FAT1: variants seen among roughly 807,000 people sequenced by gnomAD.
FAT1 encodes FAT atypical cadherin 1.
In FAT1, 171 loss-of-function variants were observed where a neutral mutation model predicts 329.8. The ratio of observed to expected loss-of-function variants is 0.52; its 90% CI spans 0.46 to 0.59. The LOEUF (loss-of-function observed/expected upper bound fraction) is 0.59, where lower values mean the gene tolerates loss of function less well. FAT1 is among the 20% of genes least tolerant of loss of function. The pLI is 0.00. For synonymous variants in FAT1, 2,233 were observed against 2,228.6 expected (o/e 1.00, Z -0.06); for missense variants, 5,672 against 5,774.4 (o/e 0.98, Z 0.57).
chr4:186,606,410 T>C (rs1378281045), intron 16 of FAT1, among the ~76,000 whole-genome samples, 197 bp from the exon 17 acceptor site: 1 of 152,080 alleles, frequency 6.6e-6, no homozygotes, highest in Non-Finnish European at 1.5e-5. Context: ...CAGCAAGAAT[T>C]ACCAATAATG....
At chr4:186,685,439 G>C (rs1560991355) in intron 2 of FAT1, among the ~76,000 whole-genome samples, 1 of 152,172 alleles carries the variant, frequency 6.6e-6, no homozygotes, top group Non-Finnish European at 1.5e-5. Flanking sequence ...TCTTCACTAA[G>C]ATTTTCTAAA....
At chr4:186,714,921 T>C (rs928913860) in intron 1 of FAT1, among the ~76,000 whole-genome samples, 50 of 151,904 alleles carry the variant, frequency 3.3e-4, no homozygotes, top group African/African-American at 1.2e-3. Flanking sequence ...CTACTAAAAA[T>C]ACAAAAAGTA....
intron 9 of FAT1, among the ~76,000 whole-genome samples, chr4:186,626,489 C>T (rs1740312018): frequency 8.0e-6 from 1 of 124,472 alleles, no homozygotes; most frequent in African/African-American, 3.1e-5. Flanking sequence ...ATAAACTGAG[C>T]TTCATCAGCC....
In FAT1 at chr4:186,603,779, C is replaced by T. The variant is rs749223648; in HGVS notation, c.10747G>A (p.Asp3583Asn). ...GAGAACAGGTTGTCCATCTGAGGGTCGAGACTGTAGGTTAGAGTATCATAC... is the reference window on the plus strand; with the variant it reads ...GAGAACAGGTTGTCCATCTGAGGGTTGAGACTGTAGGTTAGAGTATCATAC... Reference protein sequence around the residue: ...DVYDTLTYSLDPQMDNLFSVS... With the variant: ...DVYDTLTYSLNPQMDNLFSVS... The change falls in exon 19 of 27, where the codon GAC (aspartate) becomes AAC (asparagine). Residue 3583 changes from aspartate to asparagine, a missense_variant. By Grantham distance (23) the Asp-to-Asn change is conservative. This residue lies in a region of FAT1 where 1,706 missense variants were observed against 1,859.1 expected (regional missense o/e 0.92). Coordinates refer to ENST00000441802, the MANE Select transcript of FAT1 (RefSeq NM_005245.4). 8.9e-5 allele frequency: 143 copies of T among 1,613,732 alleles called. No homozygotes were observed. Among genetic ancestry groups the T allele is most frequent in the Admixed American group, 1.3e-4 (8 of 59,974 alleles).
Position 186,628,533 on chromosome 4 carries a change from C to T in FAT1, c.4554G>A (p.Glu1518=), listed in dbSNP as rs768805530. The change falls in exon 8 of 27, where the codon GAG becomes GAA. Residue 1518 remains glutamate (E), a synonymous_variant. Coordinates refer to ENST00000441802, the MANE Select transcript of FAT1 (RefSeq NM_005245.4). ...DPATGSLYTS[E]KLDHEAVHQH... is the part of the protein sequence containing the mutation. ...GGTGAACAGCTTCATGATCCAGTTT[C>T]TCAGAAGTATAGAGAGAGCCGGTTG... 3.1e-6 allele frequency: 5 copies of T among 1,613,884 alleles called. No homozygotes were observed. Among genetic ancestry groups the T allele is most frequent in the Non-Finnish European group, 4.2e-6 (5 of 1,179,900 alleles).
intron 2 of FAT1, among the ~76,000 whole-genome samples, chr4:186,702,732 C>T (rs537310523): frequency 3.3e-5 from 5 of 152,300 alleles, no homozygotes; most frequent in Non-Finnish European, 5.9e-5. Context: ...ATTCCACACA[C>T]CCACAAGAGG....
Position 186,618,291 on chromosome 4 carries a change from A to G in FAT1, c.8295T>C (p.Ser2765=), listed in dbSNP as rs2126493304. ...ACCACTTAGTTGTCTCATGATCAAG[A>G]CTCTTCTCCAACTTCAGTCTCCCGC... is the stretch of plus-strand genomic sequence containing the variant. ...RQSGRLKLEK[S]LDHETTKWYQ... Residue 2765 remains serine, a synonymous_variant, in exon 10 of 27, where the codon AGT becomes AGC. Coordinates refer to ENST00000441802, the MANE Select transcript of FAT1 (RefSeq NM_005245.4). 1 of 1,613,830 alleles carries G rather than the reference A, an allele frequency of 6.2e-7. No homozygotes were observed. Among genetic ancestry groups the G allele is most frequent in the Non-Finnish European group, 8.5e-7 (1 of 1,179,856 alleles).
intron 2 of FAT1, among the ~76,000 whole-genome samples, chr4:186,674,445 T>C (rs973227024): frequency 6.6e-6 from 1 of 152,280 alleles, no homozygotes; most frequent in East Asian, 1.9e-4. Flanking sequence ...GGGTACTATC[T>C]CCATGAGATG....
intron 3 of FAT1, among the ~76,000 whole-genome samples, chr4:186,661,304 A>G (rs1160133702): frequency 2.0e-5 from 3 of 152,236 alleles, no homozygotes; most frequent in Admixed American, 6.5e-5. Flanking sequence ...ACTGTGTGTC[A>G]TAAGCCCCTC....
At position 186,619,800 on chromosome 4, in the gene FAT1, G is replaced by C. The variant is rs371206556; in HGVS notation, c.6786C>G (p.Gly2262=). The change falls in exon 10 of 27, where the codon GGC becomes GGG. Residue 2262 remains glycine (G), a synonymous_variant. Coordinates refer to ENST00000441802, the MANE Select transcript of FAT1 (RefSeq NM_005245.4). ...TGTCCACAAATACTTCAGCATGAGC[G>C]CCCGTCAAGGAGTCAGTTGCGCGTA... The part of the protein sequence containing the change: ...LSIRATDSLT[G]AHAEVFVDII... 2 of 1,614,006 alleles carry C rather than the reference G, an allele frequency of 1.2e-6. No homozygotes were observed. The highest frequency in any genetic ancestry group is 1.7e-6 in the Non-Finnish European group (2 of 1,179,894).
In FAT1 at chr4:186,625,731, T is replaced by C. The variant is rs1740269423; in HGVS notation, c.4810+2423A>G. Among the ~76,000 whole-genome samples, 3 of 152,274 alleles carry C rather than the reference T, an allele frequency of 2.0e-5. No homozygotes were observed. The South Asian group carries it at 6.2e-4, about 31-fold the overall frequency. On this transcript the variant is annotated intron_variant, in intron 9 of 26. Coordinates refer to ENST00000441802, the MANE Select transcript of FAT1 (RefSeq NM_005245.4). ...TGTAAACTGTCTTCCCAACATTTCA[T>C]CACTTTCAGAGGATCTGGCATGAGC...
intron 2 of FAT1, among the ~76,000 whole-genome samples, chr4:186,696,096 C>T (rs956278820): frequency 6.6e-6 from 1 of 152,078 alleles, no homozygotes; most frequent in East Asian, 1.9e-4. Flanking sequence ...CGGCCATAGG[C>T]CCTAGAACAC....
At chr4:186,722,032 T>G (rs1745490017) in intron 1 of FAT1, among the ~76,000 whole-genome samples, 1 of 152,190 alleles carries the variant, frequency 6.6e-6, no homozygotes, top group Non-Finnish European at 1.5e-5. Context: ...GAGACGGGGT[T>G]TCTCCATGTT....
In FAT1 at chr4:186,636,577, T is replaced by G; in HGVS notation, c.3972+8A>C. The G allele has an allele frequency of 6.3e-7, 1 of 1,596,192 alleles. No individual in the cohort carries two copies. Among genetic ancestry groups the G allele is most frequent in the South Asian group, 1.1e-5 (1 of 88,256 alleles). ...ATGAAAAATTACAGTACTACAATCT[T>G]AACTCACTGAAAGAATATCATATTC... On this transcript the variant is annotated splice_region_variant and intron_variant, in intron 5 of 26. Coordinates refer to ENST00000441802, the MANE Select transcript of FAT1 (RefSeq NM_005245.4).
chr4:186,608,955 T>A (rs968600333), intron 16 of FAT1, among the ~76,000 whole-genome samples: 17 of 152,232 alleles, frequency 1.1e-4, no homozygotes, highest in Non-Finnish European at 1.9e-4. Context: ...CAACAGTAAT[T>A]CCTTCCTGAA....
rs138882040 is a variant in FAT1 at position 186,694,177 on chromosome 4, C to T, written c.3265+12386G>A. On this transcript the variant is annotated intron_variant, in intron 2 of 26. Coordinates refer to ENST00000441802, the MANE Select transcript of FAT1 (RefSeq NM_005245.4). ...CCAACCACCATCTTCCTATTTCTAA[C>T]GAAACTCAACATCTCCCAAACTCAA... Among the ~76,000 whole-genome samples the T allele has an allele frequency of 1.5e-3, 233 of 152,278 alleles. 1 individual carries two copies. The highest frequency in any genetic ancestry group is 2.1e-3 in the Non-Finnish European group (144 of 68,030).
At chr4:186,631,413 A>T (rs1039547042) in intron 7 of FAT1, among the ~76,000 whole-genome samples, 1 of 149,888 alleles carries the variant, frequency 6.7e-6, no homozygotes, top group African/African-American at 2.5e-5. Context: ...CTGCTCTTCA[A>T]TCCATCCCCG....
chr4:186,601,148 A>T, intron 21 of FAT1, 121 bp downstream of exon 21: 1 of 909,250 alleles, frequency 1.1e-6, no homozygotes, highest in Non-Finnish European at 1.6e-6. Context: ...TGAATTATTT[A>T]AATGTGGAAT....
At chr4:186,660,510 T>C (rs115800178) in intron 3 of FAT1, among the ~76,000 whole-genome samples, 1,604 of 152,308 alleles carry the variant, frequency 0.011, 21 homozygotes, top group South Asian at 0.039. Flanking sequence ...GTACTAACTA[T>C]GGTATCCTCC....
Sources: allele counts gnomAD v4.1 joint callset (sites outside exome capture counted in the v4.1 genomes callset), GRCh38; gene constraint gnomAD v4.1.1; regional missense constraint gnomAD v4.1.1; transcripts MANE v1.5; gene names NCBI Gene and HGNC (gene_info 2026-07-23, HGNC 2026-07-21).